PAPPA: variants seen among roughly 807,000 people sequenced by gnomAD.
The protein encoded by PAPPA is pappalysin 1, also known as pappalysin-1.
Under a neutral mutation model 164.0 loss-of-function variants are expected in PAPPA, and 60 were observed. The observed-to-expected ratio is 0.37, with a 90% CI of 0.30 to 0.45. The LOEUF is 0.45. Among genes scored for constraint, PAPPA ranks in the 20% least tolerant of loss-of-function variants. PAPPA has a pLI of 1.00. For missense variants in PAPPA, 1,782 were observed against 2,087.3 expected (o/e 0.85, Z 2.85); for synonymous variants, 875 against 814.1 (o/e 1.07, Z -1.27).
In PAPPA at chr9:116,237,984, G is replaced by C. The variant is rs565241069; in HGVS notation, c.2732+2347G>C. ...TCTGCCTACCTCAGCCTCCCAAAGT[G>C]CTGGGATTACAGGCATGAGCCACTG... On this transcript the variant is annotated intron_variant, in intron 7 of 21. Transcript: ENST00000328252. Among the ~76,000 whole-genome samples, 6 of 152,134 alleles carry C rather than the reference G, an allele frequency of 3.9e-5. No homozygotes were observed. The East Asian group carries it at 1.2e-3, about 29-fold the overall frequency.
intron 2 of PAPPA, among the ~76,000 whole-genome samples, chr9:116,199,407 C>T (rs1283112619): frequency 6.6e-6 from 1 of 152,204 alleles, no homozygotes; most frequent in Non-Finnish European, 1.5e-5. Flanking sequence ...GCTTCCCTCA[C>T]TCCCACCCTA....
At chr9:116,268,948 A>G (rs1440250818) in intron 8 of PAPPA, among the ~76,000 whole-genome samples, 5 of 152,122 alleles carry the variant, frequency 3.3e-5, no homozygotes, top group Non-Finnish European at 7.4e-5. Flanking sequence ...CTCTGTCTGT[A>G]AAATAATTTA....
intron 7 of PAPPA, among the ~76,000 whole-genome samples, chr9:116,259,462 AAACTT>A (rs1221100610): frequency 6.6e-6 from 1 of 152,148 alleles, no homozygotes; most frequent in Non-Finnish European, 1.5e-5. Context: ...TAGAAAAACA[AAACTT>A]AATTTAAAAT....
At chr9:116,377,669 C>T (rs767592079) in intron 20 of PAPPA, 22 bp downstream of exon 20, 7 of 1,548,212 alleles carry the variant, frequency 4.5e-6, no homozygotes, top group Middle Eastern at 1.7e-4. Context: ...GGAAGGCACT[C>T]CTCAGTTCCC....
chr9:116,254,649 G>GC (rs1844901702), intron 7 of PAPPA, among the ~76,000 whole-genome samples: 2 of 151,962 alleles, frequency 1.3e-5, no homozygotes, highest in Non-Finnish European at 2.9e-5. Flanking sequence ...GGGCGTGGTG[G>GC]TGGGCGCCTG....
chr9:116,274,772 C>T (rs1477036868), intron 9 of PAPPA, among the ~76,000 whole-genome samples: 1 of 152,140 alleles, frequency 6.6e-6, no homozygotes, highest in African/African-American at 2.4e-5. Context: ...GTTGATTATC[C>T]AAGCATCTCC....
intron 6 of PAPPA, among the ~76,000 whole-genome samples, chr9:116,229,286 A>G (rs1244508304): frequency 6.6e-6 from 1 of 152,204 alleles, no homozygotes; most frequent in East Asian, 1.9e-4. Flanking sequence ...TTTATAGGGT[A>G]TCCTCAAAGT....
At chr9:116,199,504 T>C (rs958647249) in intron 2 of PAPPA, among the ~76,000 whole-genome samples, 4 of 152,098 alleles carry the variant, frequency 2.6e-5, no homozygotes, top group Non-Finnish European at 5.9e-5. Flanking sequence ...AATGCCTCCT[T>C]CTCCACTTTC....
At chr9:116,345,747 C>T (rs143792052) in intron 14 of PAPPA, among the ~76,000 whole-genome samples, 13 of 152,300 alleles carry the variant, frequency 8.5e-5, no homozygotes, top group Middle Eastern at 3.4e-3. Context: ...GAAGATAGGA[C>T]GTGTCCTGCG....
At chr9:116,212,451 C>A (rs1195886515) in intron 4 of PAPPA, among the ~76,000 whole-genome samples, 1 of 152,162 alleles carries the variant, frequency 6.6e-6, no homozygotes, top group Non-Finnish European at 1.5e-5. Context: ...GCCCTTTTAG[C>A]ACCTTTGGCA....
chr9:116,387,814 C>T (rs1846835791), intron 21 of PAPPA, among the ~76,000 whole-genome samples: 1 of 152,222 alleles, frequency 6.6e-6, no homozygotes, highest in Non-Finnish European at 1.5e-5. Flanking sequence ...CCTCTAACCC[C>T]TTGGAACATC....
chr9:116,161,422 A>G (rs955252244), intron 1 of PAPPA, among the ~76,000 whole-genome samples: 2 of 152,224 alleles, frequency 1.3e-5, no homozygotes, highest in African/African-American at 4.8e-5. Context: ...AACTTCTGGG[A>G]CAAGGGTGAA....
chr9:116,162,962 A>T (rs1406633491), intron 1 of PAPPA, among the ~76,000 whole-genome samples: 1 of 152,024 alleles, frequency 6.6e-6, no homozygotes, highest in East Asian at 1.9e-4. Context: ...TTAAAAAAAA[A>T]TAGTGCATGC....
chr9:116,225,653 T>A (rs1844497175), intron 5 of PAPPA, among the ~76,000 whole-genome samples: 1 of 152,234 alleles, frequency 6.6e-6, no homozygotes, highest in Non-Finnish European at 1.5e-5. Context: ...TTAATGATTC[T>A]CTTATCACTG....
intron 9 of PAPPA, among the ~76,000 whole-genome samples, chr9:116,301,197 G>A (rs760996015): frequency 3.3e-5 from 5 of 152,066 alleles, no homozygotes; most frequent in Admixed American, 2.0e-4. Flanking sequence ...ATTTTCCCAG[G>A]ATATGTTCCT....
intron 6 of PAPPA, among the ~76,000 whole-genome samples, chr9:116,228,027 C>A (rs959374682): frequency 2.6e-5 from 4 of 152,128 alleles, no homozygotes; most frequent in Non-Finnish European, 4.4e-5. Flanking sequence ...TCTATATACC[C>A]TCTTTTTGGG....
At chr9:116,220,777 A>G (rs1402781664) in intron 5 of PAPPA, among the ~76,000 whole-genome samples, 2 of 151,368 alleles carry the variant, frequency 1.3e-5, no homozygotes, top group Non-Finnish European at 2.9e-5. Context: ...TCCCAGCTAC[A>G]TGGGAGGCTG....
intron 13 of PAPPA, among the ~76,000 whole-genome samples, chr9:116,340,630 G>T (rs1342285523): frequency 6.6e-6 from 1 of 152,150 alleles, no homozygotes; most frequent in Non-Finnish European, 1.5e-5. Flanking sequence ...GCCAGGTGCA[G>T]ACAGATGTGC....
At chr9:116,246,037 A>G (rs908975659) in intron 7 of PAPPA, among the ~76,000 whole-genome samples, 1 of 152,228 alleles carries the variant, frequency 6.6e-6, no homozygotes, top group African/African-American at 2.4e-5. Flanking sequence ...AATTGTGTGT[A>G]GTTAACATAA....
Sources: allele counts gnomAD v4.1 joint callset (sites outside exome capture counted in the v4.1 genomes callset), GRCh38; gene constraint gnomAD v4.1.1; transcripts MANE v1.5; gene names NCBI Gene and HGNC (gene_info 2026-07-23, HGNC 2026-07-21).